HCN3: variants seen among roughly 807,000 people sequenced by gnomAD.
HCN3 encodes the protein hyperpolarization activated cyclic nucleotide gated potassium channel 3, also known as potassium/sodium hyperpolarization-activated cyclic nucleotide-gated channel 3.
In HCN3, 36 loss-of-function variants were observed where a neutral mutation model predicts 56.8. That is an observed-to-expected ratio of 0.63 (90% confidence interval 0.49 to 0.84). The LOEUF (loss-of-function observed/expected upper bound fraction) is 0.84. Ranked by LOEUF, HCN3 falls within the 40% of genes least tolerant of loss-of-function variation. HCN3 has a pLI of 0.00. For synonymous variants in HCN3, 425 were observed against 439.7 expected (o/e 0.97, Z 0.42); for missense variants, 930 against 1,079.3 (o/e 0.86, Z 1.94).
chr1:155,285,405 G>A lies in HCN3; in HGVS notation c.1236+94G>A. On this transcript the variant is annotated intron_variant, in intron 5 of 7. Transcript: ENST00000368358. This position sits in a 1 kb window ranked among gnomAD's most constrained non-coding sequence, Gnocchi z 4.5. ...ATTGGTCAGCAGGTGCTCCTATAGG[G>A]AATGAGGCCTGCAGAGGGCCCCGTG... is the stretch of plus-strand genomic sequence containing the variant. 1 of 1,501,362 alleles carries A rather than the reference G, an allele frequency of 6.7e-7. No homozygotes were observed. Among genetic ancestry groups the A allele is most frequent in the Admixed American group, 2.1e-5 (1 of 47,102 alleles). 93.0% of individuals were successfully genotyped at this position (1,501,362 alleles called of 1,614,324 possible).
In HCN3 at chr1:155,285,581, G is replaced by A; in HGVS notation, c.1237-143G>A. 1 of 1,179,762 alleles carries A rather than the reference G, an allele frequency of 8.5e-7. No individual in the cohort carries two copies. Among genetic ancestry groups the A allele is most frequent in the Non-Finnish European group, 1.2e-6 (1 of 853,736 alleles). 73.1% of individuals were successfully genotyped at this position (1,179,762 alleles called of 1,614,324 possible). On this transcript the variant is annotated intron_variant, in intron 5 of 7. Coordinates refer to ENST00000368358, the MANE Select transcript of HCN3 (RefSeq NM_020897.3). This position sits in a 1 kb window ranked among gnomAD's most constrained non-coding sequence, Gnocchi z 4.5. ...GGAAAGATCTGAAGGCAGGAGCTTAGGGATGGTCCCAGGCCCACTGATGCC... is the reference window on the plus strand; with the variant it reads ...GGAAAGATCTGAAGGCAGGAGCTTAAGGATGGTCCCAGGCCCACTGATGCC...
chr1:155,287,031 G>T, intron 6 of HCN3, 142 bp from the exon 7 acceptor site: 1 of 883,516 alleles, frequency 1.1e-6, no homozygotes, highest in Admixed American at 2.6e-5. Context: ...AGGGTTCCTG[G>T]GGCACGGAGG....
In HCN3 at chr1:155,283,495, C is replaced by A. The variant is rs148261599; in HGVS notation, c.709-479C>A. ...TATGTATACATGTGCTATGCTGGTG[C>A]GCTGCACCCACTAACTCGTCACCTA... is the stretch of plus-strand genomic sequence containing the variant. On this transcript the variant is annotated intron_variant, in intron 2 of 7. Transcript: ENST00000368358. 2.0e-5 allele frequency among the ~76,000 whole-genome samples: 3 copies of A among 151,444 alleles called. No homozygotes were observed. The East Asian group carries it at 5.9e-4, about 30-fold the overall frequency.
chr1:155,286,291 A>G (rs11264354), intron 6 of HCN3, among the ~76,000 whole-genome samples: 53,734 of 151,788 alleles, frequency 0.35, 10,647 homozygotes, highest in East Asian at 0.7. Flanking sequence ...GACCACAGGC[A>G]CCCGCCACCA....
At chr1:155,286,440 A>C (rs12724449) in intron 6 of HCN3, among the ~76,000 whole-genome samples, 60,701 of 152,076 alleles carry the variant, frequency 0.4, 14,510 homozygotes, top group East Asian at 0.7. Flanking sequence ...TCACCGTGCC[A>C]GGCCTGAGCT....
At position 155,284,667 on chromosome 1, in the gene HCN3, C is replaced by T. The variant is rs755518743; in HGVS notation, c.999C>T (p.Ile333=). Residue 333 remains isoleucine, a synonymous_variant, in exon 4 of 8, where the codon ATC becomes ATT. Coordinates refer to ENST00000368358, the MANE Select transcript of HCN3 (RefSeq NM_020897.3). The surrounding 1 kb of genome is among the most constrained non-coding windows in gnomAD (Gnocchi z 4.3). ...PDVWLTMLSM[I]VGATCYAMFI... ...TCTGGCTCACCATGCTCAGCATGAT[C>T]GTAGGTGCCACATGCTACGCCATGT... The T allele has an allele frequency of 2.5e-6, 4 of 1,614,140 alleles. No homozygotes were observed. Among genetic ancestry groups the T allele is most frequent in the African/African-American group, 1.3e-5 (1 of 74,952 alleles).
rs563414640 is a variant in HCN3, at chr1:155,287,810, C to T, written c.1672C>T (p.Arg558Cys). Residue 558 changes from arginine to cysteine, a missense_variant, in exon 8 of 8, where the codon CGC (arginine) becomes TGC (cysteine). Physicochemically the swap from Arg to Cys is radical, Grantham distance 180. Coordinates refer to ENST00000368358, the MANE Select transcript of HCN3 (RefSeq NM_020897.3). ...GAAGAATTCCATACTGCAGCGGAAGCGCTCCGAGCCAAGTCCAGGCAGCAG... is the reference window on the plus strand; with the variant it reads ...GAAGAATTCCATACTGCAGCGGAAGTGCTCCGAGCCAAGTCCAGGCAGCAG... ...GKKNSILQRK[R>C]SEPSPGSSGG... The T allele has an allele frequency of 2.6e-5, 42 of 1,599,514 alleles. No homozygotes were observed. Among genetic ancestry groups the T allele is most frequent in the South Asian group, 1.3e-4 (12 of 89,558 alleles).
Position 155,282,496 on chromosome 1 carries a change from A to C in HCN3, c.364A>C (p.Asn122His). Residue 122 changes from asparagine to histidine, a missense_variant, in exon 2 of 8, where the codon AAC (asparagine) becomes CAC (histidine). Physicochemically the swap from Asn to His is moderately conservative, Grantham distance 68. Transcript: ENST00000368358. The surrounding 1 kb of genome is among the most constrained non-coding windows in gnomAD (Gnocchi z 4.7). ...GGGCATCACCTTCTTCAAGGAGGAGAACTCCCCGCCTTGGATCGTCTTCAA... is the reference window on the plus strand; with the variant it reads ...GGGCATCACCTTCTTCAAGGAGGAGCACTCCCCGCCTTGGATCGTCTTCAA... ...PVGITFFKEE[N>H]SPPWIVFNVL... 6.2e-7 allele frequency: 1 copy of C among 1,614,080 alleles called. No homozygotes were observed. Among genetic ancestry groups the C allele is most frequent in the Non-Finnish European group, 8.5e-7 (1 of 1,180,036 alleles).
At chr1:155,280,102 A>G (rs1673963884) in intron 1 of HCN3, among the ~76,000 whole-genome samples, 1 of 151,860 alleles carries the variant, frequency 6.6e-6, no homozygotes, top group Non-Finnish European at 1.5e-5. Flanking sequence ...GCATGCCACC[A>G]CGCCTGGCTA....
Position 155,288,556 on chromosome 1 carries a change from C to T in HCN3, c.*93C>T, listed in dbSNP as rs1674400519. On this transcript the variant is annotated 3_prime_UTR_variant, in exon 8 of 8. Coordinates refer to ENST00000368358, the MANE Select transcript of HCN3 (RefSeq NM_020897.3). The surrounding 1 kb of genome is among the most constrained non-coding windows in gnomAD (Gnocchi z 6.5). Reference sequence around the variant, plus strand: ...TGGGGAAGGCCATGGGGACCTGAAACATTGCCCCATGGAAATGTCGACCCT... The same window carrying T: ...TGGGGAAGGCCATGGGGACCTGAAATATTGCCCCATGGAAATGTCGACCCT... The T allele has an allele frequency of 2.1e-6, 3 of 1,461,496 alleles. No homozygotes were observed. Among genetic ancestry groups the T allele is most frequent in the African/African-American group, 1.4e-5 (1 of 70,640 alleles). 90.5% of individuals were successfully genotyped at this position (1,461,496 alleles called of 1,614,324 possible).
chr1:155,277,915 C>A, intron 1 of HCN3, 47 bp downstream of exon 1: 1 of 1,581,172 alleles, frequency 6.3e-7, no homozygotes, highest in East Asian at 2.3e-5. Flanking sequence ...ATCCCACCCT[C>A]GCGGGCAGCG....
chr1:155,287,067 A>G, intron 6 of HCN3, 106 bp from the exon 7 acceptor site: 1 of 1,299,408 alleles, frequency 7.7e-7, no homozygotes, highest in Non-Finnish European at 1.1e-6. Context: ...GGTTTCTCCC[A>G]AGTCTAGGGA....
At position 155,284,548 on chromosome 1, in the gene HCN3, T is replaced by G; in HGVS notation, c.880T>G (p.Trp294Gly). Reference protein sequence around the residue: ...VSINHMVNHSWGRQYSHALFK... With the variant: ...VSINHMVNHSGGRQYSHALFK... The stretch of plus-strand genomic sequence containing the variant: ...ATACTCTGCCCCTCAGAACCACTCG[T>G]GGGGCCGCCAGTATTCCCATGCCCT... The change falls in exon 4 of 8, where the codon TGG becomes GGG. Residue 294 changes from tryptophan (W) to glycine (G), a missense_variant. Trp to Gly is a radical substitution (Grantham distance 184). Transcript: ENST00000368358. The surrounding 1 kb of genome is among the most constrained non-coding windows in gnomAD (Gnocchi z 4.3). 6.2e-7 allele frequency: 1 copy of G among 1,612,092 alleles called. No homozygotes were observed. Among genetic ancestry groups the G allele is most frequent in the Non-Finnish European group, 8.5e-7 (1 of 1,179,568 alleles).
chr1:155,287,898 G>T lies in HCN3; in HGVS notation c.1760G>T (p.Gly587Val), dbSNP rs1174679925. 1 of 1,613,856 alleles carries T rather than the reference G, an allele frequency of 6.2e-7. No individual in the cohort carries two copies. Among genetic ancestry groups the T allele is most frequent in the African/African-American group, 1.3e-5 (1 of 74,896 alleles). ...HDRDMARGVR[G>V]RAPSTGAQLS... is the part of the protein sequence containing the mutation. ...AGAGACATGGCTCGGGGTGTTCGGG[G>T]TCGGGCCCCGAGCACAGGAGCTCAG... The change falls in exon 8 of 8, where the codon GGT (glycine) becomes GTT (valine). Residue 587 changes from glycine (G) to valine (V), a missense_variant. By Grantham distance (109) the Gly-to-Val change is moderately radical. Coordinates refer to ENST00000368358, the MANE Select transcript of HCN3 (RefSeq NM_020897.3).
In HCN3 at chr1:155,277,516, G is replaced by A. The variant is rs1314422331; in HGVS notation, c.-75G>A. ...AGCCCGCGGGGCTGCGCCGACTCCTGCTCTGGAGGGGTTGCGGGTACCTGA... is the reference window on the plus strand; with the variant it reads ...AGCCCGCGGGGCTGCGCCGACTCCTACTCTGGAGGGGTTGCGGGTACCTGA... On this transcript the variant is annotated 5_prime_UTR_variant, in exon 1 of 8. Transcript: ENST00000368358. The A allele has an allele frequency of 3.4e-6, 5 of 1,470,854 alleles. No homozygotes were observed. Among genetic ancestry groups the A allele is most frequent in the Non-Finnish European group, 4.5e-6 (5 of 1,108,826 alleles). The allele number at this position is 1,470,854 out of a possible 1,614,324, so 91.1% of individuals were successfully genotyped here.
At chr1:155,280,463 GTC>G (rs1673981111) in intron 1 of HCN3, among the ~76,000 whole-genome samples, 2 of 148,122 alleles carry the variant, frequency 1.4e-5, no homozygotes, top group Non-Finnish European at 3.0e-5. Context: ...TTGAGACGGA[GTC>G]TCGCTCTGTC....
At position 155,284,311 on chromosome 1, in the gene HCN3, TGGAG is replaced by T. The variant is rs900762889; in HGVS notation, c.870+181_870+184del. 3.5e-6 allele frequency: 3 copies of T among 863,482 alleles called. No homozygotes were observed. The highest frequency in any genetic ancestry group is 1.7e-5 in the African/African-American group (1 of 58,606). 53.5% of individuals were successfully genotyped at this position (863,482 alleles called of 1,614,324 possible). A position where few individuals can be genotyped will look rare whatever the true frequency, so the allele number is the denominator to read the frequency against. ...AGACCCAGAAGAAGTGCTCGTGTGT[TGGAG>T]GGAGCAGGCAAAGGAAGGGTACCTA... On this transcript the variant is annotated intron_variant, in intron 3 of 7. Transcript: ENST00000368358. This position sits in a 1 kb window ranked among gnomAD's most constrained non-coding sequence, Gnocchi z 4.3.
Position 155,288,457 on chromosome 1 carries a change from C to T in HCN3, c.2319C>T (p.Asn773=). The part of the protein sequence containing the change: ...ATPRGLQLSA[N]M ...CCCGGGGTCTCCAGCTTTCTGCCAA[C>T]ATGTAAAACCTTTGAGTACATCCAG... is the stretch of plus-strand genomic sequence containing the variant. Residue 773 remains asparagine, a synonymous_variant, in exon 8 of 8, where the codon AAC becomes AAT. Transcript: ENST00000368358. The surrounding 1 kb of genome is among the most constrained non-coding windows in gnomAD (Gnocchi z 6.5). 3 of 1,593,420 alleles carry T rather than the reference C, an allele frequency of 1.9e-6. No individual in the cohort carries two copies. The highest frequency in any genetic ancestry group is 2.6e-6 in the Non-Finnish European group (3 of 1,171,002).
At chr1:155,280,247 TTTTA>T (rs1311518852) in intron 1 of HCN3, among the ~76,000 whole-genome samples, 1 of 143,392 alleles carries the variant, frequency 7.0e-6, no homozygotes, top group Non-Finnish European at 1.5e-5. Context: ...ACCGGCAAAT[TTTTA>T]TTTATTTATT....
Sources: allele counts gnomAD v4.1 joint callset (sites outside exome capture counted in the v4.1 genomes callset), GRCh38; gene constraint gnomAD v4.1.1; non-coding constraint Gnocchi (gnomAD v3.1); transcripts MANE v1.5; gene names NCBI Gene and HGNC (gene_info 2026-07-23, HGNC 2026-07-21).